The following SORCS1 variants were observed in gnomAD, a reference collection of about 807,000 sequenced individuals.
SORCS1 encodes sortilin related VPS10 domain containing receptor 1, also known as VPS10 domain-containing receptor SorCS1.
SORCS1 carries 60 observed loss-of-function variants against 146.1 expected under a neutral mutation model. The observed-to-expected ratio is 0.41, with a 90% confidence interval of 0.33 to 0.51. SORCS1 has a LOEUF of 0.51. SORCS1 is among the 20% of genes least tolerant of loss of function. The pLI, the probability that SORCS1 is intolerant of heterozygous loss-of-function variation, is 0.21. For missense variants in SORCS1, 1,352 were observed against 1,487.6 expected (o/e 0.91, Z 1.50); for synonymous variants, 637 against 584.0 (o/e 1.09, Z -1.31).
chr10:106,907,866 G>C (rs1480797731), intron 2 of SORCS1, among the ~76,000 whole-genome samples: 1 of 151,294 alleles, frequency 6.6e-6, no homozygotes, highest in East Asian at 1.9e-4. Flanking sequence ...GGTGGAGGTT[G>C]CAGTGAGCCG....
At position 106,850,475 on chromosome 10, in the gene SORCS1, G is replaced by A. The variant is rs369552698; in HGVS notation, c.627-20802C>T. Among the ~76,000 whole-genome samples the A allele has an allele frequency of 6.2e-3, 948 of 152,112 alleles. 11 individuals carry two copies. The highest frequency in any genetic ancestry group is 0.021 in the African/African-American group (890 of 41,500). ...ACGGTGCGCGCACTCACTGGCCTGC[G>A]CCCACTGTCTGGCACTCCCTAGTGA... On this transcript the variant is annotated intron_variant, in intron 2 of 25. Transcript: ENST00000263054.
At chr10:106,979,808 C>T (rs1272895753) in intron 1 of SORCS1, among the ~76,000 whole-genome samples, 2 of 152,150 alleles carry the variant, frequency 1.3e-5, no homozygotes, top group Non-Finnish European at 2.9e-5. Flanking sequence ...AGGCTGGTGC[C>T]CTCACTCTGC....
At chr10:107,013,924 C>G (rs544731771) in intron 1 of SORCS1, among the ~76,000 whole-genome samples, 1 of 152,092 alleles carries the variant, frequency 6.6e-6, no homozygotes, top group East Asian at 1.9e-4. Flanking sequence ...ACAGAGAAGG[C>G]CCACCCAGTT....
At chr10:107,038,201 A>G (rs892649718) in intron 1 of SORCS1, among the ~76,000 whole-genome samples, 2 of 152,214 alleles carry the variant, frequency 1.3e-5, no homozygotes, top group African/African-American at 4.8e-5. Flanking sequence ...AAAAACGGAG[A>G]TTCATCAAAG....
rs376846120 is a variant in SORCS1 at position 106,577,800 on chromosome 10, A to G, written c.3372-245T>C. 4.4e-5 allele frequency: 24 copies of G among 548,602 alleles called. No homozygotes were observed. In the African/African-American group the frequency reaches 4.7e-4, roughly 11 times the overall value. 34.0% of individuals were successfully genotyped at this position (548,602 alleles called of 1,614,324 possible). On this transcript the variant is annotated intron_variant, in intron 25 of 25. Transcript: ENST00000263054. ...ATGCTTCTCTGGACTTGAAGGCAGA[A>G]AAGACTTTTTTCTTTTTAGCCCCAA...
intron 1 of SORCS1, among the ~76,000 whole-genome samples, chr10:107,154,189 G>A (rs11812183): frequency 0.038 from 5,713 of 151,788 alleles, 251 homozygotes; most frequent in African/African-American, 0.11. Context: ...TTTTAATAGA[G>A]ATGGGGTTTC....
intron 1 of SORCS1, among the ~76,000 whole-genome samples, chr10:107,075,346 T>C (rs1475930599): frequency 6.6e-6 from 1 of 152,162 alleles, no homozygotes; most frequent in Non-Finnish European, 1.5e-5. Context: ...TGAAACGGAT[T>C]GAAAGCAAAG....
intron 3 of SORCS1, among the ~76,000 whole-genome samples, chr10:106,817,974 C>T (rs1947824578): frequency 6.6e-6 from 1 of 152,316 alleles, no homozygotes; most frequent in East Asian, 1.9e-4. Flanking sequence ...GTTGTCTGTA[C>T]AATCCACTCT....
At chr10:106,703,018 G>A (rs1214645815) in intron 8 of SORCS1, among the ~76,000 whole-genome samples, 1 of 152,102 alleles carries the variant, frequency 6.6e-6, no homozygotes, top group Admixed American at 6.6e-5. Flanking sequence ...ACACCAGTGA[G>A]CTACTGTTAC....
chr10:106,691,652 AC>A (rs564433847), intron 9 of SORCS1, among the ~76,000 whole-genome samples: 194 of 152,040 alleles, frequency 1.3e-3, no homozygotes, highest in African/African-American at 4.3e-3. Flanking sequence ...CACAAAGGCC[AC>A]CCCCAACTCC....
intron 1 of SORCS1, among the ~76,000 whole-genome samples, chr10:107,051,838 A>G (rs1395987395): frequency 1.3e-5 from 2 of 152,136 alleles, no homozygotes; most frequent in African/African-American, 4.8e-5. Flanking sequence ...CTTGAACCCA[A>G]CTTTTTAGAT....
chr10:106,654,049 C>T (rs1850087790), intron 17 of SORCS1, among the ~76,000 whole-genome samples: 2 of 152,134 alleles, frequency 1.3e-5, no homozygotes, highest in Admixed American at 1.3e-4. Context: ...CTGTTTTCCT[C>T]TCTCTCTTTC....
chr10:106,905,288 T>C (rs1951864763), intron 2 of SORCS1, among the ~76,000 whole-genome samples: 1 of 152,146 alleles, frequency 6.6e-6, no homozygotes, highest in South Asian at 2.1e-4. Context: ...GAAAATTAAG[T>C]TGGAGAAGGA....
chr10:106,861,417 AG>A (rs1366297202), intron 2 of SORCS1, among the ~76,000 whole-genome samples: 9 of 148,836 alleles, frequency 6.0e-5, no homozygotes, highest in African/African-American at 2.0e-4. Flanking sequence ...AAAAAAAAAA[AG>A]AATATGCGAA....
chr10:106,940,611 T>C (rs1401274509), intron 2 of SORCS1, among the ~76,000 whole-genome samples: 1 of 152,172 alleles, frequency 6.6e-6, no homozygotes, highest in Non-Finnish European at 1.5e-5. Context: ...TGGCTGGACA[T>C]GGTGGCTCAC....
chr10:106,981,971 A>T (rs192974812), intron 1 of SORCS1, among the ~76,000 whole-genome samples: 1 of 152,334 alleles, frequency 6.6e-6, no homozygotes, highest in Admixed American at 6.5e-5. Context: ...CCCAACACCC[A>T]TTCAAACATA....
At chr10:107,057,666 C>T (rs1960777459) in intron 1 of SORCS1, among the ~76,000 whole-genome samples, 1 of 152,170 alleles carries the variant, frequency 6.6e-6, no homozygotes, top group Non-Finnish European at 1.5e-5. Context: ...CTAACAATGT[C>T]TAATAGAACT....
At chr10:107,059,340 C>T (rs1271979767) in intron 1 of SORCS1, among the ~76,000 whole-genome samples, 1 of 152,202 alleles carries the variant, frequency 6.6e-6, no homozygotes, top group Non-Finnish European at 1.5e-5. Context: ...GAAACTGTGA[C>T]ATGATATGGC....
intron 5 of SORCS1, among the ~76,000 whole-genome samples, chr10:106,733,069 C>A (rs1251188119): frequency 7.0e-6 from 1 of 142,202 alleles, no homozygotes; most frequent in Non-Finnish European, 1.5e-5. Flanking sequence ...GATCACACTG[C>A]TGTACTCTAG....
Sources: allele counts gnomAD v4.1 joint callset (sites outside exome capture counted in the v4.1 genomes callset), GRCh38; gene constraint gnomAD v4.1.1; transcripts MANE v1.5; gene names NCBI Gene and HGNC (gene_info 2026-07-23, HGNC 2026-07-21).